The following PCDH9 variants were observed in gnomAD, a reference collection of about 807,000 sequenced individuals.
PCDH9 encodes the protein protocadherin-9.
In PCDH9, 24 loss-of-function variants were observed where a neutral mutation model predicts 70.6. That is an observed-to-expected ratio of 0.34 (90% CI 0.25 to 0.48). The LOEUF is 0.48. Among genes scored for constraint, PCDH9 ranks in the 20% least tolerant of loss-of-function variants. The probability of loss-of-function intolerance (pLI) is 0.99; values close to 1 mark genes in which losing one functional copy is unlikely to be tolerated. For missense variants in PCDH9, 1,281 were observed against 1,503.6 expected, an observed-to-expected ratio of 0.85 and a Z score of 2.45; for synonymous variants, 562 against 558.5, an observed-to-expected ratio of 1.01 and a Z score of -0.09.
At chr13:66,644,754 G>A (rs751402953) in intron 3 of PCDH9, among the ~76,000 whole-genome samples, 2 of 151,720 alleles carry the variant, frequency 1.3e-5, no homozygotes, top group South Asian at 2.1e-4. Context: ...AATTGTCCTC[G>A]GCTTCTATTT....
chr13:66,928,810 G>GCA (rs2082757686), intron 2 of PCDH9, among the ~76,000 whole-genome samples: 1 of 152,044 alleles, frequency 6.6e-6, no homozygotes, highest in African/African-American at 2.4e-5. Flanking sequence ...CCCAAACTAA[G>GCA]GTACTTTGTT....
chr13:67,074,979 AT>A lies in PCDH9; in HGVS notation c.3036+150425del, dbSNP rs200864941. 3.4e-3 allele frequency among the ~76,000 whole-genome samples: 510 copies of A among 150,488 alleles called. 5 individuals are homozygous for A. Among genetic ancestry groups the A allele is most frequent in the African/African-American group, 0.011 (454 of 41,102 alleles). On this transcript the variant is annotated intron_variant, in intron 2 of 4. Transcript: ENST00000377865. ...GGATTTGCTCTTCCTAAGTTTAGAC[AT>A]TTTTTTTTAGGTGCCATCTGTTGTC...
At chr13:66,426,334 T>C (rs1045818873) in intron 4 of PCDH9, among the ~76,000 whole-genome samples, 16 of 151,756 alleles carry the variant, frequency 1.1e-4, no homozygotes, top group Non-Finnish European at 2.2e-4. Flanking sequence ...CCAAAGAATA[T>C]GTAAAGTATA....
At chr13:67,043,494 T>C (rs770167185) in intron 2 of PCDH9, among the ~76,000 whole-genome samples, 1 of 152,082 alleles carries the variant, frequency 6.6e-6, no homozygotes. Flanking sequence ...TGATGCCAAA[T>C]ACAGGGATAA....
intron 2 of PCDH9, among the ~76,000 whole-genome samples, chr13:66,985,122 T>C (rs529417246): frequency 1.1e-4 from 17 of 152,276 alleles, no homozygotes; most frequent in Admixed American, 3.3e-4. Context: ...CATCACTGTC[T>C]GTTATAGTCT....
At chr13:66,310,400 C>G (rs913963188) in intron 4 of PCDH9, among the ~76,000 whole-genome samples, 3 of 151,966 alleles carry the variant, frequency 2.0e-5, no homozygotes, top group African/African-American at 7.2e-5. Context: ...TAAAACAATT[C>G]AAGTTAATGG....
At chr13:67,089,734 G>T (rs1387349217) in intron 2 of PCDH9, among the ~76,000 whole-genome samples, 4 of 151,926 alleles carry the variant, frequency 2.6e-5, no homozygotes, top group Admixed American at 6.6e-5. Context: ...CAATCCTCTA[G>T]AACATGAAAT....
rs189331575 is a variant in PCDH9, at chr13:66,769,630, A to G, written c.3138+133874T>C. 3.0e-4 allele frequency among the ~76,000 whole-genome samples: 45 copies of G among 152,234 alleles called. 1 individual carries two copies. Among genetic ancestry groups the G allele is most frequent in the African/African-American group, 1.1e-3 (44 of 41,556 alleles). ...TAGCTGCTTTGCAATTAGAAATCCA[A>G]CAAGACCACATCTTTCTGCAATGGA... On this transcript the variant is annotated intron_variant, in intron 3 of 4. Transcript: ENST00000377865.
At chr13:66,508,272 G>A (rs1336905869) in intron 4 of PCDH9, among the ~76,000 whole-genome samples, 1 of 152,138 alleles carries the variant, frequency 6.6e-6, no homozygotes, top group Non-Finnish European at 1.5e-5. Context: ...GGAATGGGGA[G>A]CAACTGTTTA....
intron 3 of PCDH9, among the ~76,000 whole-genome samples, chr13:66,758,507 G>A (rs530530703): frequency 8.0e-4 from 121 of 152,008 alleles, no homozygotes; most frequent in African/African-American, 2.8e-3. Flanking sequence ...ACTGTGTAAT[G>A]AATAGAACAT....
intron 4 of PCDH9, among the ~76,000 whole-genome samples, chr13:66,363,435 G>A (rs919099637): frequency 6.6e-5 from 10 of 152,054 alleles, no homozygotes; most frequent in African/African-American, 2.2e-4. Flanking sequence ...AGAACTATAC[G>A]TATCGGATTC....
At chr13:66,788,834 T>A (rs1039134453) in intron 3 of PCDH9, among the ~76,000 whole-genome samples, 1 of 152,046 alleles carries the variant, frequency 6.6e-6, no homozygotes, top group Non-Finnish European at 1.5e-5. Context: ...TATTCTTTCC[T>A]CTTTCCCAGC....
intron 2 of PCDH9, among the ~76,000 whole-genome samples, chr13:67,134,865 A>G (rs1275420653): frequency 3.3e-5 from 5 of 152,066 alleles, no homozygotes; most frequent in African/African-American, 9.7e-5. Context: ...AACTGTCTCA[A>G]ACAACTGATT....
intron 2 of PCDH9, among the ~76,000 whole-genome samples, chr13:67,026,364 C>A (rs960591832): frequency 6.6e-6 from 1 of 152,080 alleles, no homozygotes; most frequent in Non-Finnish European, 1.5e-5. Flanking sequence ...AATTCAACAA[C>A]CCTTCATGCT....
chr13:67,129,311 G>T (rs527271455), intron 2 of PCDH9, among the ~76,000 whole-genome samples: 3 of 152,120 alleles, frequency 2.0e-5, no homozygotes, highest in Non-Finnish European at 4.4e-5. Context: ...TATATTCATG[G>T]TAATTATGCC....
rs556502151 is a variant in PCDH9, at chr13:66,655,407, T to A, written c.3139-23996A>T. On this transcript the variant is annotated intron_variant, in intron 3 of 4. Transcript: ENST00000377865. ...TAATTTTAAATAATAAAATTCTTAA[T>A]GTTAAGGACTATTCAATGCAATGAA... Among the ~76,000 whole-genome samples the A allele has an allele frequency of 2.4e-4, 37 of 152,148 alleles. No homozygotes were observed. The South Asian group carries it at 7.3e-3, about 30-fold the overall frequency.
At chr13:66,985,197 C>T (rs911187081) in intron 2 of PCDH9, among the ~76,000 whole-genome samples, 2 of 152,038 alleles carry the variant, frequency 1.3e-5, no homozygotes, top group Middle Eastern at 3.2e-3. Context: ...TTCTTTTATG[C>T]TCAACCTTGA....
At chr13:66,670,388 G>A (rs758171885) in intron 3 of PCDH9, among the ~76,000 whole-genome samples, 1 of 152,120 alleles carries the variant, frequency 6.6e-6, no homozygotes, top group African/African-American at 2.4e-5. Flanking sequence ...ATATGGCATA[G>A]AGTATTTAGT....
At chr13:66,799,081 C>T (rs1400706762) in intron 3 of PCDH9, among the ~76,000 whole-genome samples, 1 of 152,126 alleles carries the variant, frequency 6.6e-6, no homozygotes, top group Non-Finnish European at 1.5e-5. Flanking sequence ...GCCCAAAGTG[C>T]TTACAGGGAT....
Sources: gnomAD v4.1 joint callset for allele counts (sites outside exome capture counted in the v4.1 genomes callset) on GRCh38, gnomAD v4.1.1 for gene constraint, MANE v1.5 for transcripts, NCBI Gene and HGNC (gene_info 2026-07-23, HGNC 2026-07-21) for gene names.